Variants in CCDC14 observed in about 807,000 individuals in gnomAD.
CCDC14 encodes the protein coiled-coil domain containing 14.
CCDC14 carries 71 observed loss-of-function variants against 81.4 expected under a neutral mutation model. The observed-to-expected ratio is 0.87, with a 90% CI of 0.72 to 1.06. The LOEUF (loss-of-function observed/expected upper bound fraction) is 1.06, where lower values mean the gene tolerates loss of function less well. CCDC14 is among the 50% of genes least tolerant of loss of function. The pLI is 0.00. For missense variants in CCDC14, 1,046 were observed against 1,047.3 expected, an observed-to-expected ratio of 1.00 and a Z score of 0.02; for synonymous variants, 332 against 364.8, an observed-to-expected ratio of 0.91 and a Z score of 1.03.
rs1363150667 is a variant in CCDC14 at position 123,956,076 on chromosome 3, G to A, written c.199C>T (p.Leu67=). 1.9e-6 allele frequency: 3 copies of A among 1,545,468 alleles called. No individual in the cohort carries two copies. The highest frequency in any genetic ancestry group is 2.6e-6 in the Non-Finnish European group (3 of 1,145,136). ...VHGLDGCASL[L]RDILRNEDSG... is the part of the protein sequence containing the mutation. ...TCTTCATTTCTCAAAATGTCCCTCA[G>A]CAAAGAAGCACAACCATCAAGCCCG... The change falls in exon 4 of 13, where the codon CTG becomes TTG. Residue 67 remains leucine, a synonymous_variant. Transcript: ENST00000409697.
chr3:123,948,906 G>C lies in CCDC14; in HGVS notation c.579C>G (p.Pro193=). 1.2e-6 allele frequency: 2 copies of C among 1,612,808 alleles called. No homozygotes were observed. Among genetic ancestry groups the C allele is most frequent in the Non-Finnish European group, 1.7e-6 (2 of 1,178,926 alleles). Residue 193 remains proline (P), a synonymous_variant, in exon 6 of 13, where the codon CCC becomes CCG. Transcript: ENST00000409697. ...NGIPAVPCHA[P]SHSESQATPH... ...AGCATTCGTACTCACCAGAATGAGAGGGAGCATGGCATGGTACAGCAGGAA... is the reference window on the plus strand; with the variant it reads ...AGCATTCGTACTCACCAGAATGAGACGGAGCATGGCATGGTACAGCAGGAA...
At chr3:123,956,606 C>T in intron 2 of CCDC14, 134 bp downstream of exon 2, 1 of 761,750 alleles carries the variant, frequency 1.3e-6, no homozygotes. Context: ...CATGGGTAGA[C>T]ATGAAAAATT....
chr3:123,897,536 C>A, exon 6 of CCDC14: 1 of 976,286 alleles, frequency 1.0e-6, no homozygotes, highest in Non-Finnish European at 1.4e-6. Context: ...AGCAGTTCTG[C>A]TTTTCCGTAG....
Position 123,931,604 on chromosome 3 carries a change from A to C in CCDC14, c.1427-78T>G, listed in dbSNP as rs77809387. 3,552 of 610,280 alleles carry C rather than the reference A, an allele frequency of 5.8e-3. 4 individuals are homozygous for C. Among genetic ancestry groups the C allele is most frequent in the Non-Finnish European group, 7.6e-3 (2,954 of 387,554 alleles). 37.8% of individuals were successfully genotyped at this position (610,280 alleles called of 1,614,324 possible). The stretch of plus-strand genomic sequence containing the variant: ...ACTTGGAAAATACCTGTTTCTTAAA[A>C]AAAAAAAAAAAAGGCCTGAAATTTA... On this transcript the variant is annotated intron_variant, in intron 10 of 12. Transcript: ENST00000409697.
chr3:123,887,911 C>A, the CCDC14 span, among the ~76,000 whole-genome samples: 1 of 151,936 alleles, frequency 6.6e-6, no homozygotes, highest in South Asian at 2.1e-4. Context: ...TCCCTTAAAT[C>A]TTTTTAATTT....
intron 5 of CCDC14, among the ~76,000 whole-genome samples, chr3:123,908,140 G>C (rs543958789): frequency 6.6e-6 from 1 of 152,162 alleles, no homozygotes; most frequent in South Asian, 2.1e-4. Flanking sequence ...AAAGAAAGAA[G>C]GAAAGAAGGT....
rs556940061 is a variant in CCDC14, at chr3:123,900,546, C to T, written c.668-2933G>A. 5.9e-5 allele frequency among the ~76,000 whole-genome samples: 9 copies of T among 152,280 alleles called. No individual in the cohort carries two copies. In the South Asian group the frequency reaches 1.4e-3, roughly 25 times the overall value. On this transcript the variant is annotated intron_variant, in intron 5 of 5. Coordinates refer to the CCDC14 transcript ENST00000479903. ...TGAGAGGGAGCCTTCAACTCAGTTA[C>T]GAATTCCAGCGACTGGACGTTCTAT...
At chr3:123,916,966 T>C (rs2034738012) in intron 12 of CCDC14, among the ~76,000 whole-genome samples, 1 of 151,800 alleles carries the variant, frequency 6.6e-6, no homozygotes, top group Non-Finnish European at 1.5e-5. Context: ...CTCAGCCTCT[T>C]GAGTAGCTGG....
intron 12 of CCDC14, among the ~76,000 whole-genome samples, chr3:123,916,587 G>A (rs955147019): frequency 6.6e-6 from 1 of 150,966 alleles, no homozygotes; most frequent in Non-Finnish European, 1.5e-5. Context: ...GGTGTATAAC[G>A]AAAACCACAG....
intron 5 of CCDC14, 76 bp from the exon 6 acceptor site, chr3:123,949,208 A>G: frequency 3.4e-6 from 3 of 882,692 alleles, no homozygotes; most frequent in Non-Finnish European, 5.3e-6. Context: ...AAGAGAAGAA[A>G]GGGCTCTCAG....
downstream of CCDC14, chr3:123,897,506 C>T (rs184828806): frequency 2.9e-4 from 165 of 573,430 alleles, no homozygotes; most frequent in African/African-American, 3.0e-3. Context: ...ACTCAGATCT[C>T]CCACCTCTTC....
Position 123,956,735 on chromosome 3 carries a change from C to G in CCDC14, c.86+5G>C, listed in dbSNP as rs1297092628. On this transcript the variant is annotated splice_donor_5th_base_variant and intron_variant, in intron 2 of 12. Transcript: ENST00000409697. The stretch of plus-strand genomic sequence containing the variant: ...CTGAAGTTGTAAACGTCTTCAAGTA[C>G]TTACGCTTTCTTTCCATTTGTTAAT... The G allele has an allele frequency of 1.9e-6, 3 of 1,546,302 alleles. No homozygotes were observed. In the African/African-American group the frequency reaches 4.1e-5, roughly 21 times the overall value.
At chr3:123,890,197 A>G in the CCDC14 span, among the ~76,000 whole-genome samples, 42 of 152,236 alleles carry the variant, frequency 2.8e-4, no homozygotes, top group African/African-American at 9.1e-4. Flanking sequence ...CCCTCCCACA[A>G]CACATGGGAA....
intron 5 of CCDC14, among the ~76,000 whole-genome samples, chr3:123,905,341 T>C (rs1371207786): frequency 6.6e-6 from 1 of 152,146 alleles, no homozygotes; most frequent in East Asian, 1.9e-4. Flanking sequence ...TCCCCGCACA[T>C]TGTTCTGAGT....
At chr3:123,940,618 CA>C (rs1330012656) in intron 9 of CCDC14, among the ~76,000 whole-genome samples, 1 of 152,090 alleles carries the variant, frequency 6.6e-6, no homozygotes, top group South Asian at 2.1e-4. Context: ...TACTCCCCAG[CA>C]ATTCACCTTT....
At chr3:123,895,450 T>C (rs566139010), downstream of CCDC14, among the ~76,000 whole-genome samples, 45 of 152,300 alleles carry the variant, frequency 3.0e-4, no homozygotes, top group African/African-American at 1.0e-3. Flanking sequence ...AGATCAGCAT[T>C]GGTGGGCTGA....
downstream of CCDC14, among the ~76,000 whole-genome samples, chr3:123,912,564 C>CA (rs2034472635): frequency 1.3e-5 from 2 of 152,080 alleles, no homozygotes; most frequent in South Asian, 2.1e-4. Context: ...CGTCAATTTG[C>CA]CTCTCCTTTT....
intron 7 of CCDC14, among the ~76,000 whole-genome samples, chr3:123,947,873 AACCATATAGTAGTTACACAGACT>A (rs1443129562): frequency 6.6e-6 from 1 of 152,074 alleles, no homozygotes; most frequent in Non-Finnish European, 1.5e-5. Context: ...TACTACTCCT[AACCATATAGTAGTTACACAGACT>A]ATGGTATATC....
At chr3:123,956,659 G>C (rs529717492) in intron 2 of CCDC14, 81 bp downstream of exon 2, 2 of 1,124,222 alleles carry the variant, frequency 1.8e-6, no homozygotes, top group Admixed American at 2.3e-5. Context: ...CTAATTTTCT[G>C]GGGTAGACGA....
Sources: gnomAD v4.1 joint callset for allele counts (sites outside exome capture counted in the v4.1 genomes callset) on GRCh38, gnomAD v4.1.1 for gene constraint, MANE v1.5 for transcripts, NCBI Gene and HGNC (gene_info 2026-07-23, HGNC 2026-07-21) for gene names.